Variants in PKD1L1 observed in about 807,000 individuals in gnomAD.
The protein encoded by PKD1L1 is polycystin 1 like 1, transient receptor potential channel interacting.
PKD1L1 carries 236 observed loss-of-function variants against 323.4 expected under a neutral mutation model. That is an observed-to-expected ratio of 0.73 (90% CI 0.66 to 0.81). The LOEUF (loss-of-function observed/expected upper bound fraction) is 0.81, where lower values mean the gene tolerates loss of function less well. PKD1L1 is among the 40% of genes least tolerant of loss of function. The pLI is 0.00. For missense variants in PKD1L1, 3,320 were observed against 3,508.0 expected (o/e 0.95, Z 1.35); for synonymous variants, 1,344 against 1,335.0 (o/e 1.01, Z -0.15).
intron 56 of PKD1L1, among the ~76,000 whole-genome samples, chr7:47,782,255 G>T (rs551818681): frequency 6.6e-6 from 1 of 152,172 alleles, no homozygotes; most frequent in South Asian, 2.1e-4. Context: ...TCCTTCAAAG[G>T]TCAGTGCATA....
rs1209575639 is a variant in PKD1L1 at position 47,843,113 on chromosome 7, C to G, written c.5294G>C (p.Gly1765Ala). 6 of 1,613,774 alleles carry G rather than the reference C, an allele frequency of 3.7e-6. No individual in the cohort carries two copies. Among genetic ancestry groups the G allele is most frequent in the Middle Eastern group, 3.3e-4 (2 of 6,056 alleles). Residue 1765 changes from glycine (G) to alanine (A), a missense_variant, in exon 34 of 57, where the codon GGA becomes GCA. Transcript: ENST00000289672. ...TTGTCTACTTTTAGCGACCAAAAATCCATAAAGAATCACAGAACCCATAAT... is the reference window on the plus strand; with the variant it reads ...TTGTCTACTTTTAGCGACCAAAAATGCATAAAGAATCACAGAACCCATAAT... ...IFIMGSVILYGFLVAKSRQVD... is the reference protein window; with the variant it reads ...IFIMGSVILYAFLVAKSRQVD...
At chr7:47,795,345 C>T (rs1050690440) in intron 55 of PKD1L1, 1 of 454,688 alleles carries the variant, frequency 2.2e-6, no homozygotes, top group Non-Finnish European at 4.4e-6. Flanking sequence ...AATGGGTTTC[C>T]ACTTTTGCAT....
chr7:47,955,191 C>T, the PKD1L1 span, among the ~76,000 whole-genome samples: 1 of 152,068 alleles, frequency 6.6e-6, no homozygotes, highest in Non-Finnish European at 1.5e-5. Flanking sequence ...CCTTATTGAT[C>T]GAGACTCCAG....
chr7:47,911,750 G>A (rs760038239), intron 8 of PKD1L1, among the ~76,000 whole-genome samples: 7 of 152,112 alleles, frequency 4.6e-5, no homozygotes, highest in Admixed American at 2.6e-4. Context: ...AGCAGGAACC[G>A]TATTGAAGGA....
chr7:47,889,862 G>A (rs192571478), intron 16 of PKD1L1, among the ~76,000 whole-genome samples: 153 of 152,284 alleles, frequency 1.0e-3, no homozygotes, highest in African/African-American at 3.5e-3. Flanking sequence ...CAAAGCAGGT[G>A]GGCCTGGGCT....
At position 47,886,318 on chromosome 7, in the gene PKD1L1, G is replaced by T. The variant is rs73692897; in HGVS notation, c.2837-264C>A. On this transcript the variant is annotated intron_variant, in intron 17 of 56. Transcript: ENST00000289672. ...CCTGACGTTTGCTCTTCCAAGTCGG[G>T]GGGGAGGGATCTGCTGAATCCTATG... Among the ~76,000 whole-genome samples the T allele has an allele frequency of 5.8e-3, 883 of 152,154 alleles. 6 individuals are homozygous for T. The highest frequency in any genetic ancestry group is 0.02 in the African/African-American group (838 of 41,478).
intron 56 of PKD1L1, among the ~76,000 whole-genome samples, chr7:47,781,280 A>G (rs555494516): frequency 6.6e-6 from 1 of 151,666 alleles, no homozygotes; most frequent in South Asian, 2.1e-4. Context: ...GCTTCTTTAT[A>G]TATTGTAGAT....
chr7:47,778,198 G>C (rs1328506659), intron 56 of PKD1L1, among the ~76,000 whole-genome samples: 1 of 152,192 alleles, frequency 6.6e-6, no homozygotes, highest in Non-Finnish European at 1.5e-5. Flanking sequence ...CGGTGGTGGT[G>C]GGGGCTGATG....
At chr7:47,916,465 G>C (rs575710811) in intron 7 of PKD1L1, among the ~76,000 whole-genome samples, 6 of 152,320 alleles carry the variant, frequency 3.9e-5, no homozygotes, top group East Asian at 3.9e-4. Flanking sequence ...TGGATGGACA[G>C]AGCAGTGTGT....
rs1024764022 is a variant in PKD1L1, at chr7:47,796,002, A to G, written c.8342T>C (p.Met2781Thr). 9.9e-6 allele frequency: 16 copies of G among 1,613,092 alleles called. No homozygotes were observed. The Admixed American group carries it at 1.2e-4, about 12-fold the overall frequency. Residue 2781 changes from methionine (M) to threonine (T), a missense_variant, in exon 55 of 57, where the codon ATG becomes ACG. Transcript: ENST00000289672. ...CTCACAGCTTACGTGATTCTCAACC[A>G]TCTCAGCCTCTTCCAACTTTGGTGT... ...LETPKLEEAE[M>T]VENHNYYLDE...
chr7:47,821,158 G>C lies in PKD1L1; in HGVS notation c.6883C>G (p.Leu2295Val), dbSNP rs762288859. The C allele has an allele frequency of 3.1e-6, 5 of 1,609,040 alleles. No individual in the cohort carries two copies. Among genetic ancestry groups the C allele is most frequent in the Non-Finnish European group, 4.3e-6 (5 of 1,175,430 alleles). ...RDISMDILML[L>V]LLLCVIYGRF... ...CCATATATTACACACAAAAGCAGAA[G>C]CAGCATGAGGATGTCCATGGAAATG... is the stretch of plus-strand genomic sequence containing the variant. Residue 2295 changes from leucine to valine, a missense_variant, in exon 46 of 57, where the codon CTT becomes GTT. Physicochemically the swap from Leu to Val is conservative, Grantham distance 32. Transcript: ENST00000289672.
At chr7:47,800,362 T>G (rs1418347377) in intron 54 of PKD1L1, among the ~76,000 whole-genome samples, 3 of 152,070 alleles carry the variant, frequency 2.0e-5, no homozygotes, top group Admixed American at 6.5e-5. Context: ...CAGTAAGAAA[T>G]GATGTGATTC....
In PKD1L1 at chr7:47,780,302, G is replaced by A. The variant is rs111861416; in HGVS notation, c.8527-5136C>T. Among the ~76,000 whole-genome samples the A allele has an allele frequency of 3.3e-5, 5 of 152,084 alleles. 1 individual carries two copies. The highest frequency in any genetic ancestry group is 7.2e-5 in the African/African-American group (3 of 41,476). ...TTCATCCCTGACTCCTGGCAACCAC[G>A]AACTGCTTCCCTTGTCTATAATCTT... is the stretch of plus-strand genomic sequence containing the variant. On this transcript the variant is annotated intron_variant, in intron 56 of 56. Transcript: ENST00000289672.
In PKD1L1 at chr7:47,831,256, G is replaced by A. The variant is rs79406694; in HGVS notation, c.6434C>T (p.Ser2145Phe). 20 of 1,614,142 alleles carry A rather than the reference G, an allele frequency of 1.2e-5. No individual in the cohort carries two copies. The highest frequency in any genetic ancestry group is 1.2e-4 in the African/African-American group (9 of 75,054). The change falls in exon 42 of 57, where the codon TCT (serine) becomes TTT (phenylalanine). Residue 2145 changes from serine to phenylalanine, a missense_variant. Physicochemically the swap from Ser to Phe is radical, Grantham distance 155 (BLOSUM62 -2). Coordinates refer to ENST00000289672, the MANE Select transcript of PKD1L1 (RefSeq NM_138295.5). ...SAVWAICGTA[S>F]LACSLGTGFL... ...TCCTGTCCCCAAACTGCAGGCCAAA[G>A]AAGCGGTCCCACAAATGGCCCACAC...
In PKD1L1 at chr7:47,931,321, G is replaced by A; in HGVS notation, c.520C>T (p.Leu174Phe). 1 of 1,614,128 alleles carries A rather than the reference G, an allele frequency of 6.2e-7. No homozygotes were observed. The highest frequency in any genetic ancestry group is 8.5e-7 in the Non-Finnish European group (1 of 1,180,022). ...GCTGCTGCAGAAGTGGTGCCCTGGA[G>A]CTTAAAAGTTTAAGAACAGTTCAGG... ...ADSTFSALLQ[L>F]QGTTSAAAPC... Residue 174 changes from leucine (L) to phenylalanine (F), a missense_variant and splice_region_variant, in exon 6 of 57, where the codon CTC becomes TTC. By Grantham distance (22) the Leu-to-Phe change is conservative. Coordinates refer to ENST00000289672, the MANE Select transcript of PKD1L1 (RefSeq NM_138295.5).
rs1400795307 is a variant in PKD1L1, at chr7:47,827,424, A to C, written c.6780T>G (p.His2260Gln). The C allele has an allele frequency of 4.3e-6, 7 of 1,613,152 alleles. No homozygotes were observed. The South Asian group carries it at 7.7e-5, about 18-fold the overall frequency. The change falls in exon 45 of 57, where the codon CAT becomes CAG. Residue 2260 changes from histidine (H) to glutamine (Q), a missense_variant. His to Gln is a conservative substitution (Grantham distance 24). Transcript: ENST00000289672. ...RQQARHLRWA[H>Q]PPSKAQLRGT... ...CCCTCAGCTGGGCCTTGGATGGTGG[A>C]TGCGCCCAGCGCAGGTGGCGAGCTT...
At chr7:47,878,013 G>A (rs1318405306) in intron 21 of PKD1L1, among the ~76,000 whole-genome samples, 1 of 151,706 alleles carries the variant, frequency 6.6e-6, no homozygotes, top group African/African-American at 2.4e-5. Context: ...GACAGAAACC[G>A]AAGCCTGAGG....
intron 26 of PKD1L1, among the ~76,000 whole-genome samples, chr7:47,863,699 T>C (rs557216284): frequency 2.0e-5 from 3 of 152,018 alleles, no homozygotes; most frequent in East Asian, 1.9e-4. Flanking sequence ...GCAGTGTGGA[T>C]GGAGATGGAA....
At chr7:47,811,088 C>G (rs1456752434) in intron 50 of PKD1L1, among the ~76,000 whole-genome samples, 1 of 152,090 alleles carries the variant, frequency 6.6e-6, no homozygotes, top group Non-Finnish European at 1.5e-5. Context: ...TCGCCAGAAC[C>G]TCACCAGGCT....
Sources: allele counts gnomAD v4.1 joint callset (sites outside exome capture counted in the v4.1 genomes callset), GRCh38; gene constraint gnomAD v4.1.1; transcripts MANE v1.5; gene names NCBI Gene and HGNC (gene_info 2026-07-23, HGNC 2026-07-21).